NAP1L1: variants seen among roughly 807,000 people sequenced by gnomAD.
NAP1L1 encodes the protein nucleosome assembly protein 1-like 1.
In NAP1L1, 9 loss-of-function variants were observed where a neutral mutation model predicts 58.9. The observed-to-expected ratio is 0.15, with a 90% CI of 0.09 to 0.27. The LOEUF is 0.27. NAP1L1 is among the 10% of genes least tolerant of loss of function. The pLI is 1.00. For missense variants in NAP1L1, 302 were observed against 458.8 expected, an observed-to-expected ratio of 0.66 and a Z score of 3.12; for synonymous variants, 130 against 138.3, an observed-to-expected ratio of 0.94 and a Z score of 0.42.
chr12:76,079,944 A>T (rs1163919800), intron 1 of NAP1L1, among the ~76,000 whole-genome samples: 1 of 152,168 alleles, frequency 6.6e-6, no homozygotes, highest in Non-Finnish European at 1.5e-5. Flanking sequence ...TGGCCTCACA[A>T]AGTGCTGTGA....
At chr12:76,061,989 G>C (rs2137022821) in intron 4 of NAP1L1, among the ~76,000 whole-genome samples, 1 of 152,286 alleles carries the variant, frequency 6.6e-6, no homozygotes, top group South Asian at 2.1e-4. Context: ...TGGAGGTTGT[G>C]TTTAACTGTA....
rs1306494554 is a variant in NAP1L1, at chr12:76,037,800, T to C, written c.*10629A>G. ...CACTTCAAACTCTGATGAGTAGTTA[T>C]CCAATTTTCACGTCTACTTCACTAA... On this transcript the variant is annotated 3_prime_UTR_variant, in exon 15 of 15. Transcript: ENST00000618691. The C allele has an allele frequency of 6.6e-6, 1 of 152,248 alleles. No homozygotes were observed. Among genetic ancestry groups the C allele is most frequent in the Non-Finnish European group, 1.5e-5 (1 of 68,056 alleles). 9.4% of individuals were successfully genotyped at this position (152,248 alleles called of 1,614,324 possible).
chr12:76,072,334 G>A (rs1480490264), intron 2 of NAP1L1, among the ~76,000 whole-genome samples: 2 of 148,982 alleles, frequency 1.3e-5, no homozygotes, highest in South Asian at 2.1e-4. Flanking sequence ...CAGGAAGAAC[G>A]AAGCAGGTCT....
chr12:76,040,209 A>G lies in NAP1L1; in HGVS notation c.*8220T>C, dbSNP rs1948540056. On this transcript the variant is annotated 3_prime_UTR_variant, in exon 15 of 15. Transcript: ENST00000618691. The stretch of plus-strand genomic sequence containing the variant: ...TTTGGTCATTTTGGAAAACGACTGC[A>G]ACAAACTAAGCCCAGTCAGAAAAAT... 1 of 152,216 alleles carries G rather than the reference A, an allele frequency of 6.6e-6. No homozygotes were observed. The highest frequency in any genetic ancestry group is 2.4e-5 in the African/African-American group (1 of 41,460). 9.4% of individuals were successfully genotyped at this position (152,216 alleles called of 1,614,324 possible). A position where few individuals can be genotyped will look rare whatever the true frequency, so the allele number is the denominator to read the frequency against.
At position 76,040,633 on chromosome 12, in the gene NAP1L1, C is replaced by T. The variant is rs1156246701; in HGVS notation, c.*7796G>A. On this transcript the variant is annotated 3_prime_UTR_variant, in exon 15 of 15. Coordinates refer to ENST00000618691, the MANE Select transcript of NAP1L1 (RefSeq NM_004537.7). ...CGAGTTCAGTCAATTCTTGTGGGCT[C>T]ACTGCAACCTCCACCTCCAGAGTTC... 1 of 151,680 alleles carries T rather than the reference C, an allele frequency of 6.6e-6. No individual in the cohort carries two copies. Among genetic ancestry groups the T allele is most frequent in the African/African-American group, 2.4e-5 (1 of 40,834 alleles). The allele number at this position is 151,680 out of a possible 1,614,324, so 9.4% of individuals were successfully genotyped here.
At chr12:76,084,393 G>A (rs1950533045) in intron 1 of NAP1L1, among the ~76,000 whole-genome samples, 174 bp downstream of exon 1, 1 of 152,074 alleles carries the variant, frequency 6.6e-6, no homozygotes, top group Non-Finnish European at 1.5e-5. Flanking sequence ...CTCAGGCTCC[G>A]GGGTCCGGAC....
At chr12:76,060,080 T>C in intron 5 of NAP1L1, 58 bp downstream of exon 5, 1 of 1,547,916 alleles carries the variant, frequency 6.5e-7, no homozygotes, top group Non-Finnish European at 8.8e-7. Flanking sequence ...AGTCTGCTTA[T>C]GTTTCTAGAA....
chr12:76,084,352 G>T (rs1481913570), intron 1 of NAP1L1, among the ~76,000 whole-genome samples: 1 of 152,098 alleles, frequency 6.6e-6, no homozygotes, highest in Non-Finnish European at 1.5e-5. Flanking sequence ...AGCCGTCCCC[G>T]ATAAAAGCGC....
chr12:76,065,270 A>G (rs1483304733), intron 4 of NAP1L1, among the ~76,000 whole-genome samples: 1 of 152,076 alleles, frequency 6.6e-6, no homozygotes, highest in African/African-American at 2.4e-5. Flanking sequence ...AGGTCAGATT[A>G]AAAAACAGTA....
chr12:76,069,032 C>A, intron 2 of NAP1L1, 38 bp from the exon 3 acceptor site: 1 of 1,397,504 alleles, frequency 7.2e-7, no homozygotes, highest in Non-Finnish European at 9.9e-7. Flanking sequence ...TTCAAATGTA[C>A]CAATTACCAA....
chr12:76,059,080 C>T (rs1949282470), intron 6 of NAP1L1, among the ~76,000 whole-genome samples: 1 of 152,150 alleles, frequency 6.6e-6, no homozygotes, highest in Non-Finnish European at 1.5e-5. Flanking sequence ...TGCAATAAAA[C>T]TTATGGATGA....
Position 76,039,463 on chromosome 12 carries a change from G to C in NAP1L1, c.*8966C>G, listed in dbSNP as rs1008884723. 2 of 152,170 alleles carry C rather than the reference G, an allele frequency of 1.3e-5. No homozygotes were observed. The highest frequency in any genetic ancestry group is 2.1e-4 in the South Asian group (1 of 4,834). 9.4% of individuals were successfully genotyped at this position (152,170 alleles called of 1,614,324 possible). A position where few individuals can be genotyped will look rare whatever the true frequency, so the allele number is the denominator to read the frequency against. ...AAGCCTAAGAGAAAAACCTATATAA[G>C]CCACATTGTATTGGGGCTGTGTTAT... On this transcript the variant is annotated 3_prime_UTR_variant, in exon 15 of 15. Transcript: ENST00000618691.
At chr12:76,083,473 CAAAA>C (rs34033928) in intron 1 of NAP1L1, among the ~76,000 whole-genome samples, 6 of 87,220 alleles carry the variant, frequency 6.9e-5, no homozygotes, top group African/African-American at 2.3e-4. Context: ...CTTTTTTTTC[CAAAA>C]AAAAAAAAAA....
intron 4 of NAP1L1, among the ~76,000 whole-genome samples, chr12:76,067,057 TTA>T (rs1459754859): frequency 6.6e-6 from 1 of 152,122 alleles, no homozygotes; most frequent in Non-Finnish European, 1.5e-5. Context: ...TAATAATGAT[TTA>T]TGTCATCAGT....
intron 6 of NAP1L1, chr12:76,057,989 C>T (rs764808603): frequency 7.7e-5 from 66 of 861,070 alleles, no homozygotes; most frequent in Admixed American, 1.6e-4. Context: ...CTCAAAAATT[C>T]TCCTGTGGTG....
chr12:76,083,142 C>G (rs993678581), intron 1 of NAP1L1, among the ~76,000 whole-genome samples: 1 of 152,132 alleles, frequency 6.6e-6, no homozygotes, highest in African/African-American at 2.4e-5. Context: ...TCCCAGCCCC[C>G]CTACACTGCC....
chr12:76,059,194 T>C (rs548935861), intron 6 of NAP1L1, among the ~76,000 whole-genome samples: 2 of 152,262 alleles, frequency 1.3e-5, no homozygotes, highest in Non-Finnish European at 2.9e-5. Flanking sequence ...GGTATGTTTA[T>C]GTTTAAAGAT....
intron 2 of NAP1L1, among the ~76,000 whole-genome samples, chr12:76,070,430 T>C (rs1949901308): frequency 2.6e-5 from 4 of 152,178 alleles, no homozygotes; most frequent in Admixed American, 6.5e-5. Flanking sequence ...AACTTTGATT[T>C]AGTATAAACT....
chr12:76,058,275 T>C (rs1285444994), intron 6 of NAP1L1, among the ~76,000 whole-genome samples: 2 of 150,664 alleles, frequency 1.3e-5, no homozygotes, highest in Non-Finnish European at 2.9e-5. Context: ...ATTTTCCCTG[T>C]TCTGTACAAG....
Sources: allele counts gnomAD v4.1 joint callset (sites outside exome capture counted in the v4.1 genomes callset), GRCh38; gene constraint gnomAD v4.1.1; transcripts MANE v1.5; gene names NCBI Gene and HGNC (gene_info 2026-07-23, HGNC 2026-07-21).